HS6ST2: variants seen among roughly 807,000 people sequenced by gnomAD.
HS6ST2 encodes heparan sulfate 6-O-sulfotransferase 2, also known as heparan-sulfate 6-O-sulfotransferase 2.
HS6ST2 carries 17 observed loss-of-function variants against 33.0 expected under a neutral mutation model. The ratio of observed to expected loss-of-function variants is 0.52; its 90% confidence interval spans 0.35 to 0.77. The LOEUF is 0.77. Among genes scored for constraint, HS6ST2 ranks in the 30% least tolerant of loss-of-function variants. The pLI, the probability that HS6ST2 is intolerant of heterozygous loss-of-function variation, is 0.01. For synonymous variants in HS6ST2, 248 were observed against 237.1 expected, an observed-to-expected ratio of 1.05 and a Z score of -0.42; for missense variants, 519 against 551.7, an observed-to-expected ratio of 0.94 and a Z score of 0.59.
chrX:132,901,657 AAT>A (rs1327749903), intron 2 of HS6ST2, among the ~76,000 whole-genome samples: 1 of 111,758 alleles, frequency 8.9e-6, no homozygotes, highest in Non-Finnish European at 1.9e-5. Flanking sequence ...ATGGTACCCA[AAT>A]ATCCTATGCC....
chrX:132,761,377 G>T (rs1176246656), intron 2 of HS6ST2, among the ~76,000 whole-genome samples: 1 of 111,382 alleles, frequency 9.0e-6, no homozygotes, highest in African/African-American at 3.3e-5. Context: ...TGGGAGGGGA[G>T]AGACTGCCAA....
intron 2 of HS6ST2, among the ~76,000 whole-genome samples, chrX:132,793,588 G>A (rs1052164633): frequency 5.4e-5 from 6 of 111,977 alleles, no homozygotes; most frequent in African/African-American, 1.6e-4. Context: ...AAATACTTAC[G>A]TAGGAACATT....
chrX:132,637,814 TTA>T (rs1201782080), intron 4 of HS6ST2, among the ~76,000 whole-genome samples: 2 of 64,874 alleles, frequency 3.1e-5, no homozygotes, highest in Non-Finnish European at 5.2e-5. Context: ...ATATATTATT[TTA>T]TATATATAAT....
At chrX:132,895,655 G>T (rs1050388878) in intron 2 of HS6ST2, among the ~76,000 whole-genome samples, 2 of 111,410 alleles carry the variant, frequency 1.8e-5, no homozygotes, top group African/African-American at 6.5e-5. Context: ...ACTGTACTAG[G>T]TTATGATAAT....
intron 2 of HS6ST2, chrX:132,907,683 C>T (rs1253741404): frequency 9.0e-6 from 1 of 111,722 alleles, no homozygotes; most frequent in Non-Finnish European, 1.9e-5. Context: ...TAACAATAGC[C>T]TTTTCAGCAA....
chrX:132,711,205 G>T (rs1332707364), intron 2 of HS6ST2, among the ~76,000 whole-genome samples: 4 of 111,729 alleles, frequency 3.6e-5, no homozygotes, highest in African/African-American at 1.3e-4. Context: ...TGGGAATAGC[G>T]GGAGACTTGG....
intron 4 of HS6ST2, among the ~76,000 whole-genome samples, chrX:132,645,598 C>A (rs1043458886): frequency 4.5e-5 from 5 of 111,896 alleles, no homozygotes; most frequent in Admixed American, 9.5e-5. Context: ...TAGAAATGCA[C>A]GCAGGGAGAA....
At chrX:132,911,042 A>AG (rs1459989608) in intron 2 of HS6ST2, among the ~76,000 whole-genome samples, 4 of 109,147 alleles carry the variant, frequency 3.7e-5, no homozygotes, top group Non-Finnish European at 7.6e-5. Context: ...CCCAGCTACC[A>AG]GGGAGGCTGA....
At chrX:132,856,358 A>G (rs749692919) in intron 2 of HS6ST2, among the ~76,000 whole-genome samples, 15 of 112,179 alleles carry the variant, frequency 1.3e-4, no homozygotes, top group Non-Finnish European at 2.8e-4. Context: ...ATCATAGGTA[A>G]GTATGTGTAG....
intron 2 of HS6ST2, among the ~76,000 whole-genome samples, chrX:132,916,759 G>T (rs148784085): frequency 8.9e-6 from 1 of 111,837 alleles, no homozygotes; most frequent in African/African-American, 3.3e-5. Flanking sequence ...GGGCTCTCAG[G>T]CCTTCAGCCA....
chrX:132,753,736 T>C (rs1161264304), intron 2 of HS6ST2, among the ~76,000 whole-genome samples: 1 of 111,925 alleles, frequency 8.9e-6, no homozygotes, highest in Non-Finnish European at 1.9e-5. Flanking sequence ...TACAAATGTA[T>C]TTTGCACTCA....
chrX:132,903,327 G>A (rs1446271997), intron 2 of HS6ST2, among the ~76,000 whole-genome samples: 1 of 111,828 alleles, frequency 8.9e-6, no homozygotes, highest in Non-Finnish European at 1.9e-5. Context: ...CATCCCATGT[G>A]CATGAATCAG....
At chrX:132,907,833 A>G (rs2066489033) in intron 2 of HS6ST2, among the ~76,000 whole-genome samples, 1 of 112,413 alleles carries the variant, frequency 8.9e-6, no homozygotes, top group African/African-American at 3.2e-5. Context: ...AGAAGAAAAC[A>G]CAGTTGTAAA....
intron 2 of HS6ST2, among the ~76,000 whole-genome samples, chrX:132,914,307 G>C (rs2066564070): frequency 9.0e-6 from 1 of 111,474 alleles, no homozygotes; most frequent in Non-Finnish European, 1.9e-5. Flanking sequence ...ATTGACCAGG[G>C]AGTTTTGGAA....
chrX:132,756,732 T>C (rs771643900), intron 2 of HS6ST2, among the ~76,000 whole-genome samples: 31 of 110,832 alleles, frequency 2.8e-4, no homozygotes, highest in Non-Finnish European at 4.9e-4. Context: ...GCTTTCTTTA[T>C]TGCTTTCTCC....
intron 2 of HS6ST2, among the ~76,000 whole-genome samples, chrX:132,792,083 T>C (rs937300356): frequency 8.9e-6 from 1 of 112,475 alleles, no homozygotes; most frequent in African/African-American, 3.2e-5. Flanking sequence ...AGAAGAAACG[T>C]ACCTAAGCTA....
chrX:132,700,291 GA>G (rs1434913626), intron 3 of HS6ST2, among the ~76,000 whole-genome samples: 1 of 111,581 alleles, frequency 9.0e-6, no homozygotes, highest in Non-Finnish European at 1.9e-5. Context: ...GCAAGGTTGA[GA>G]AAATCAATGG....
chrX:132,670,398 G>A (rs1182873158), intron 3 of HS6ST2, among the ~76,000 whole-genome samples: 1 of 111,536 alleles, frequency 9.0e-6, no homozygotes, highest in African/African-American at 3.3e-5. Flanking sequence ...TGGAACAAGA[G>A]ATAATGATGG....
At chrX:132,690,044 T>C (rs1282316670) in intron 3 of HS6ST2, among the ~76,000 whole-genome samples, 1 of 112,149 alleles carries the variant, frequency 8.9e-6, no homozygotes, top group African/African-American at 3.2e-5. Flanking sequence ...ATAGTAAATC[T>C]TTTCAGAGTT....
Sources: allele counts gnomAD v4.1 joint callset (sites outside exome capture counted in the v4.1 genomes callset), GRCh38; gene constraint gnomAD v4.1.1; transcripts MANE v1.5; gene names NCBI Gene and HGNC (gene_info 2026-07-23, HGNC 2026-07-21).